HELZ: variants seen among roughly 807,000 people sequenced by gnomAD.
HELZ encodes helicase with zinc finger.
In HELZ, 23 loss-of-function variants were observed where a neutral mutation model predicts 218.2. That is an observed-to-expected ratio of 0.11 (90% CI 0.08 to 0.15). The LOEUF (loss-of-function observed/expected upper bound fraction) is 0.15. HELZ is among the 10% of genes least tolerant of loss of function. HELZ has a pLI of 1.00. For synonymous variants in HELZ, 814 were observed against 829.4 expected (o/e 0.98, Z 0.32); for missense variants, 1,813 against 2,353.7 (o/e 0.77, Z 4.75).
chr17:67,194,452 A>G (rs1339261463), intron 8 of HELZ, among the ~76,000 whole-genome samples: 1 of 152,252 alleles, frequency 6.6e-6, no homozygotes, highest in Non-Finnish European at 1.5e-5. Context: ...AACAAATTCC[A>G]CTACTGCACA....
At chr17:67,180,302 A>G (rs377497749) in intron 12 of HELZ, among the ~76,000 whole-genome samples, 1 of 152,042 alleles carries the variant, frequency 6.6e-6, no homozygotes, top group East Asian at 1.9e-4. Flanking sequence ...TGAACAACAT[A>G]GTGAGACCCT....
At position 67,075,036 on chromosome 17, in the gene HELZ, T is replaced by G. The variant is rs919053884; in HGVS notation, c.*3216A>C. The G allele has an allele frequency of 3.3e-5, 5 of 152,134 alleles. No individual in the cohort carries two copies. Among genetic ancestry groups the G allele is most frequent in the Admixed American group, 1.3e-4 (2 of 15,264 alleles). 9.4% of individuals were successfully genotyped at this position (152,134 alleles called of 1,614,324 possible). ...TCTGCTATAACAATTTGGCAAAGCATATGCCCAAATGACAACCAAAACCCC... is the reference window on the plus strand; with the variant it reads ...TCTGCTATAACAATTTGGCAAAGCAGATGCCCAAATGACAACCAAAACCCC... On this transcript the variant is annotated 3_prime_UTR_variant, in exon 33 of 33. Transcript: ENST00000358691.
Position 67,148,724 on chromosome 17 carries a change from AC to A in HELZ, c.2476-11del, listed in dbSNP as rs1464280238. ...AAACAAAAGGACTGAGCTGTAACAGACAAACATACAGAGAAAGTTTAACTGA... is the reference window on the plus strand; with the variant it reads ...AAACAAAAGGACTGAGCTGTAACAGAAAACATACAGAGAAAGTTTAACTGA... On this transcript the variant is annotated splice_polypyrimidine_tract_variant and intron_variant, in intron 19 of 32. Transcript: ENST00000358691. 6.3e-7 allele frequency: 1 copy of A among 1,598,780 alleles called. No individual in the cohort carries two copies. The highest frequency in any genetic ancestry group is 8.5e-7 in the Non-Finnish European group (1 of 1,174,538).
chr17:67,245,002 C>A (rs1598500655), intron 1 of HELZ, 146 bp downstream of exon 1: 21 of 985,656 alleles, frequency 2.1e-5, no homozygotes, highest in Non-Finnish European at 2.5e-5. Flanking sequence ...CAGGCCCAGC[C>A]GCGGGCCGCC....
chr17:67,114,692 A>G (rs2143788347), intron 27 of HELZ, among the ~76,000 whole-genome samples: 1 of 152,360 alleles, frequency 6.6e-6, no homozygotes, highest in South Asian at 2.1e-4. Flanking sequence ...CAGGAATTAC[A>G]GCCTCATTTG....
intron 2 of HELZ, among the ~76,000 whole-genome samples, chr17:67,242,102 A>C (rs2041327594): frequency 6.6e-6 from 1 of 152,214 alleles, no homozygotes; most frequent in Non-Finnish European, 1.5e-5. Flanking sequence ...CCTTTCCACA[A>C]AATTATCTGT....
chr17:67,224,810 G>T, intron 3 of HELZ: 2 of 1,123,542 alleles, frequency 1.8e-6, no homozygotes, highest in Non-Finnish European at 2.6e-6. Flanking sequence ...CAGTACAAGG[G>T]CAAGGATTCT....
intron 12 of HELZ, among the ~76,000 whole-genome samples, chr17:67,183,188 T>A (rs1192902335): frequency 6.6e-6 from 1 of 152,142 alleles, no homozygotes; most frequent in Non-Finnish European, 1.5e-5. Flanking sequence ...CCCACAGTAA[T>A]CCCAAACTAC....
chr17:67,242,749 G>A (rs2041359290), intron 2 of HELZ, among the ~76,000 whole-genome samples: 1 of 151,468 alleles, frequency 6.6e-6, no homozygotes, highest in Non-Finnish European at 1.5e-5. Flanking sequence ...TGCAGTATGT[G>A]CACTTACAAA....
intron 31 of HELZ, among the ~76,000 whole-genome samples, chr17:67,089,696 G>GAGAGAGAGACAGAGAGAGAC (rs34752223): frequency 8.2e-6 from 1 of 122,676 alleles, no homozygotes; most frequent in Non-Finnish European, 1.7e-5. Context: ...GAGAGAGAGA[G>GAGAGAGAGACAGAGAGAGAC]AGAGACAGAG....
chr17:67,174,932 G>A (rs1439481521), intron 13 of HELZ, among the ~76,000 whole-genome samples: 1 of 152,154 alleles, frequency 6.6e-6, no homozygotes, highest in African/African-American at 2.4e-5. Flanking sequence ...TCACAAAGAG[G>A]CAAACTTCAA....
chr17:67,197,647 G>T (rs2040066430), intron 7 of HELZ, among the ~76,000 whole-genome samples: 1 of 152,144 alleles, frequency 6.6e-6, no homozygotes, highest in South Asian at 2.1e-4. Context: ...TGAATCAGAA[G>T]GAGTAAACAG....
At chr17:67,151,584 G>A (rs556441770) in intron 17 of HELZ, among the ~76,000 whole-genome samples, 1 of 152,118 alleles carries the variant, frequency 6.6e-6, no homozygotes, top group African/African-American at 2.4e-5. Flanking sequence ...TCTTTTTCTA[G>A]AACGTTCTTA....
chr17:67,141,995 G>A (rs1056626490), intron 21 of HELZ, among the ~76,000 whole-genome samples: 1 of 151,880 alleles, frequency 6.6e-6, no homozygotes, highest in Non-Finnish European at 1.5e-5. Context: ...AGTGAGCCAA[G>A]AACGTACCAC....
chr17:67,212,756 C>T (rs1258565558), intron 5 of HELZ, among the ~76,000 whole-genome samples: 6 of 152,114 alleles, frequency 3.9e-5, no homozygotes, highest in Admixed American at 3.9e-4. Context: ...TGGAAGGTAA[C>T]CTATTTTTCT....
chr17:67,232,315 G>A (rs1184421709), intron 3 of HELZ, among the ~76,000 whole-genome samples: 3 of 151,884 alleles, frequency 2.0e-5, no homozygotes, highest in Non-Finnish European at 2.9e-5. Context: ...GGCTATGCCC[G>A]GCTAATTTTT....
At position 67,123,136 on chromosome 17, in the gene HELZ, A is replaced by C; in HGVS notation, c.3464T>G (p.Ile1155Ser). Reference sequence around the variant, plus strand: ...AGTATATGCTCTAATAGGATTGCCAATAAGTACAGAAGGATTGGGCTGAAC... The same window carrying C: ...AGTATATGCTCTAATAGGATTGCCACTAAGTACAGAAGGATTGGGCTGAAC... ...GIVQPNPSVLIGNPIRAYTPP... is the reference protein window; with the variant it reads ...GIVQPNPSVLSGNPIRAYTPP... Residue 1155 changes from isoleucine to serine, a missense_variant, in exon 26 of 33, where the codon ATT becomes AGT. This residue lies in a region of HELZ where 938 missense variants were observed against 1,027.5 expected (regional missense o/e 0.91). Transcript: ENST00000358691. 1.2e-6 allele frequency: 2 copies of C among 1,613,360 alleles called. No homozygotes were observed. The highest frequency in any genetic ancestry group is 1.7e-6 in the Non-Finnish European group (2 of 1,179,358).
rs1168258602 is a variant in HELZ at position 67,189,584 on chromosome 17, C to A, written c.864+5G>T. 1 of 1,589,420 alleles carries A rather than the reference C, an allele frequency of 6.3e-7. No homozygotes were observed. Among genetic ancestry groups the A allele is most frequent in the African/African-American group, 1.3e-5 (1 of 74,374 alleles). On this transcript the variant is annotated splice_donor_5th_base_variant and intron_variant, in intron 11 of 32. Transcript: ENST00000358691. The stretch of plus-strand genomic sequence containing the variant: ...TTTATGCTTTAACTAGCACAAAATT[C>A]ATACCTTACAAGTGAGAGCAAAGGT...
intron 23 of HELZ, among the ~76,000 whole-genome samples, chr17:67,132,337 C>T (rs993886545): frequency 7.2e-5 from 11 of 152,048 alleles, no homozygotes; most frequent in African/African-American, 2.7e-4. Context: ...AAATTCAGTT[C>T]AAGGGAAGAC....
Sources: allele counts gnomAD v4.1 joint callset (sites outside exome capture counted in the v4.1 genomes callset), GRCh38; gene constraint gnomAD v4.1.1; regional missense constraint gnomAD v4.1.1; transcripts MANE v1.5; gene names NCBI Gene and HGNC (gene_info 2026-07-23, HGNC 2026-07-21).